The following PIK3C2B variants were observed in gnomAD, a reference collection of about 807,000 sequenced individuals.
The protein encoded by PIK3C2B is phosphatidylinositol 4-phosphate 3-kinase C2 domain-containing subunit beta.
In PIK3C2B, 83 loss-of-function variants were observed where a neutral mutation model predicts 184.3. The ratio of observed to expected loss-of-function variants is 0.45; its 90% CI spans 0.38 to 0.54. The LOEUF is 0.54. PIK3C2B is among the 20% of genes least tolerant of loss of function. The probability of loss-of-function intolerance (pLI) is 0.00; values close to 1 mark genes in which losing one functional copy is unlikely to be tolerated. For synonymous variants in PIK3C2B, 779 were observed against 837.6 expected, an observed-to-expected ratio of 0.93 and a Z score of 1.21; for missense variants, 1,736 against 2,113.5, an observed-to-expected ratio of 0.82 and a Z score of 3.50.
chr1:204,435,185 CTAGA>C (rs1216317131), intron 23 of PIK3C2B, among the ~76,000 whole-genome samples: 2 of 151,392 alleles, frequency 1.3e-5, no homozygotes, highest in Admixed American at 6.6e-5. Context: ...CTTAACACGT[CTAGA>C]GAGTGTTTTA....
Position 204,469,842 on chromosome 1 carries a change from C to T in PIK3C2B, c.-40G>A. Reference sequence around the variant, plus strand: ...ACACAGGCAACAAAGTCTCTACTTCCTGCCAACGTCAGTTCTGGAGGGTTG... The same window carrying T: ...ACACAGGCAACAAAGTCTCTACTTCTTGCCAACGTCAGTTCTGGAGGGTTG... On this transcript the variant is annotated 5_prime_UTR_variant, in exon 2 of 33. Coordinates refer to ENST00000684373, the MANE Select transcript of PIK3C2B (RefSeq NM_001377334.1). 1 of 1,411,286 alleles carries T rather than the reference C, an allele frequency of 7.1e-7. No individual in the cohort carries two copies. The highest frequency in any genetic ancestry group is 1.2e-5 in the South Asian group (1 of 86,104). The allele number at this position is 1,411,286 out of a possible 1,614,324, so 87.4% of individuals were successfully genotyped here.
chr1:204,453,644 A>T (rs925695426), intron 12 of PIK3C2B, among the ~76,000 whole-genome samples: 1 of 152,204 alleles, frequency 6.6e-6, no homozygotes. Context: ...AGGGAAAAGC[A>T]CAGTCTCCTC....
chr1:204,481,089 C>T (rs1274676437), intron 1 of PIK3C2B, among the ~76,000 whole-genome samples: 1 of 151,336 alleles, frequency 6.6e-6, no homozygotes, highest in African/African-American at 2.4e-5. Flanking sequence ...CCCACACACA[C>T]ATCTATGTCT....
chr1:204,435,444 A>C (rs1374293000), intron 23 of PIK3C2B: 2 of 152,190 alleles, frequency 1.3e-5, no homozygotes, highest in African/African-American at 4.8e-5. Flanking sequence ...AGCAGAGAGC[A>C]ATGATCGTCA....
At chr1:204,430,384 C>CA (rs1372079498) in intron 28 of PIK3C2B, among the ~76,000 whole-genome samples, 1 of 151,272 alleles carries the variant, frequency 6.6e-6, no homozygotes, top group African/African-American at 2.4e-5. Flanking sequence ...CTCGCTCTGT[C>CA]ACCCAGGCGG....
chr1:204,426,398 T>C (rs1674744502), intron 31 of PIK3C2B, among the ~76,000 whole-genome samples: 1 of 152,166 alleles, frequency 6.6e-6, no homozygotes, highest in African/African-American at 2.4e-5. Context: ...GGCTGTCAGA[T>C]CTAACTGCTC....
intron 1 of PIK3C2B, 97 bp from the exon 2 acceptor site, chr1:204,469,983 C>T: frequency 1.7e-6 from 1 of 592,182 alleles, no homozygotes; most frequent in African/African-American, 1.9e-5. Context: ...GGGCCAGTGC[C>T]TGCTTCTTCG....
rs899678833 is a variant in PIK3C2B, at chr1:204,494,545, A to G, written c.-274T>C. On this transcript the variant is annotated 5_prime_UTR_variant, in exon 1 of 33. Transcript: ENST00000684373. ...CCTCTCCAGGCTCCGCACAGACCCT[A>G]GGCTCCAAGGGGCAGAGGGAGAGGC... The G allele has an allele frequency of 1.3e-5, 2 of 151,530 alleles. No homozygotes were observed. The highest frequency in any genetic ancestry group is 2.4e-5 in the African/African-American group (1 of 41,118). 9.4% of individuals were successfully genotyped at this position (151,530 alleles called of 1,614,324 possible).
At chr1:204,439,828 G>A (rs1675549012) in intron 22 of PIK3C2B, among the ~76,000 whole-genome samples, 2 of 152,124 alleles carry the variant, frequency 1.3e-5, no homozygotes, top group South Asian at 4.1e-4. Flanking sequence ...TTAGAGATGA[G>A]GTGTCTAGGT....
intron 12 of PIK3C2B, 143 bp downstream of exon 12, chr1:204,454,526 G>A: frequency 2.7e-6 from 2 of 750,670 alleles, no homozygotes; most frequent in Non-Finnish European, 4.2e-6. Flanking sequence ...AGACTCAAGA[G>A]GTTGAATGAC....
chr1:204,464,105 T>C lies in PIK3C2B; in HGVS notation c.1217A>G (p.Tyr406Cys), dbSNP rs1470117613. 2.5e-6 allele frequency: 4 copies of C among 1,614,052 alleles called. No homozygotes were observed. Among genetic ancestry groups the C allele is most frequent in the Non-Finnish European group, 3.4e-6 (4 of 1,179,972 alleles). ...NCSSTVDLLI[Y>C]QTLCYTHDDL... Reference sequence around the variant, plus strand: ...ATCATGGGTGTAGCACAGGGTCTGGTAGATAAGCAAGTCTACAGTGGAGGA... The same window carrying C: ...ATCATGGGTGTAGCACAGGGTCTGGCAGATAAGCAAGTCTACAGTGGAGGA... Residue 406 changes from tyrosine to cysteine, a missense_variant, in exon 5 of 33, where the codon TAC (tyrosine) becomes TGC (cysteine). By Grantham distance (194) the Tyr-to-Cys change is radical. This residue lies in a region of PIK3C2B where 609 missense variants were observed against 699.2 expected (regional missense o/e 0.87). Transcript: ENST00000684373.
chr1:204,451,789 T>G (rs1043154336), intron 12 of PIK3C2B, among the ~76,000 whole-genome samples: 10 of 152,216 alleles, frequency 6.6e-5, no homozygotes, highest in Non-Finnish European at 1.3e-4. Flanking sequence ...CGTATCCCCA[T>G]GTATCAGCCA....
At chr1:204,453,452 A>T (rs1386487056) in intron 12 of PIK3C2B, among the ~76,000 whole-genome samples, 1 of 152,168 alleles carries the variant, frequency 6.6e-6, no homozygotes, top group Non-Finnish European at 1.5e-5. Context: ...CACCTATCTC[A>T]TCTCGACGCC....
chr1:204,447,567 G>A lies in PIK3C2B; in HGVS notation c.2358C>T (p.Pro786=). ...TGAACTTGATGTCAAAGGCCGAGGT[G>A]GGGAAGTCAATCTGGGGGATGAGAT... ...PDSVILQIDF[P]TSAFDIKFTS... is the part of the protein sequence containing the mutation. Residue 786 remains proline (P), a synonymous_variant, in exon 15 of 33, where the codon CCC becomes CCT. Coordinates refer to ENST00000684373, the MANE Select transcript of PIK3C2B (RefSeq NM_001377334.1). The surrounding 1 kb of genome is among the most constrained non-coding windows in gnomAD (Gnocchi z 4.1). The A allele has an allele frequency of 6.2e-7, 1 of 1,608,646 alleles. No individual in the cohort carries two copies. Among genetic ancestry groups the A allele is most frequent in the Non-Finnish European group, 8.5e-7 (1 of 1,178,680 alleles).
intron 12 of PIK3C2B, among the ~76,000 whole-genome samples, chr1:204,451,120 G>T (rs955726168): frequency 6.6e-6 from 1 of 152,214 alleles, no homozygotes; most frequent in Non-Finnish European, 1.5e-5. Flanking sequence ...GCTATAATTA[G>T]GGCCCCTCCA....
chr1:204,462,510 C>T (rs148588788), intron 5 of PIK3C2B, among the ~76,000 whole-genome samples: 72 of 152,336 alleles, frequency 4.7e-4, no homozygotes, highest in African/African-American at 1.7e-3. Flanking sequence ...CCAACTTATC[C>T]ACTATGTCCC....
At chr1:204,439,933 A>C (rs1427344543) in intron 22 of PIK3C2B, among the ~76,000 whole-genome samples, 1 of 152,144 alleles carries the variant, frequency 6.6e-6, no homozygotes, top group Non-Finnish European at 1.5e-5. Context: ...TGGCCCAAAA[A>C]ATATTTCCTT....
chr1:204,434,749 T>C (rs1046725998), intron 23 of PIK3C2B, 141 bp from the exon 24 acceptor site: 8 of 612,708 alleles, frequency 1.3e-5, no homozygotes, highest in South Asian at 6.3e-5. Context: ...ATCTGCCTGT[T>C]CATCCTTCAT....
chr1:204,424,552 A>G lies in PIK3C2B; in HGVS notation c.*300T>C. On this transcript the variant is annotated 3_prime_UTR_variant, in exon 33 of 33. Coordinates refer to ENST00000684373, the MANE Select transcript of PIK3C2B (RefSeq NM_001377334.1). ...AATGCTACTTCATACAGCCCACCCC[A>G]CACACTCCCCAAACCAAGCATTGCT... 1 of 356,014 alleles carries G rather than the reference A, an allele frequency of 2.8e-6. No homozygotes were observed. Among genetic ancestry groups the G allele is most frequent in the South Asian group, 1.8e-5 (1 of 55,204 alleles). 22.1% of individuals were successfully genotyped at this position (356,014 alleles called of 1,614,324 possible). A position where few individuals can be genotyped will look rare whatever the true frequency, so the allele number is the denominator to read the frequency against.
Sources: allele counts gnomAD v4.1 joint callset (sites outside exome capture counted in the v4.1 genomes callset), GRCh38; gene constraint gnomAD v4.1.1; regional missense constraint gnomAD v4.1.1; non-coding constraint Gnocchi (gnomAD v3.1); transcripts MANE v1.5; gene names NCBI Gene and HGNC (gene_info 2026-07-23, HGNC 2026-07-21).